AFG2A: variants seen among roughly 807,000 people sequenced by gnomAD.
AFG2A encodes ATPase family gene 2 protein homolog A.
the AFG2A span, among the ~76,000 whole-genome samples, chr4:123,306,281 C>CTTTTTTTTTTT: frequency 6.6e-6 from 1 of 152,094 alleles, no homozygotes; most frequent in Non-Finnish European, 1.5e-5. Context: ...GAGATCCTGC[C>CTTTTTTTTTTT]TTTGTTGTTT....
chr4:123,186,267 A>C, the AFG2A span, among the ~76,000 whole-genome samples: 1 of 152,228 alleles, frequency 6.6e-6, no homozygotes, highest in Non-Finnish European at 1.5e-5. Flanking sequence ...TTTACAACTG[A>C]AAATAGTGTA....
At chr4:123,022,344 A>C in the AFG2A span, among the ~76,000 whole-genome samples, 1 of 152,212 alleles carries the variant, frequency 6.6e-6, no homozygotes, top group Non-Finnish European at 1.5e-5. Flanking sequence ...TTTACAAGAA[A>C]ACAAACAACC....
At chr4:123,265,916 A>G in the AFG2A span, among the ~76,000 whole-genome samples, 5 of 151,894 alleles carry the variant, frequency 3.3e-5, no homozygotes, top group Admixed American at 2.0e-4. Context: ...TTTTTCTCCA[A>G]TATTTTATAT....
At chr4:123,040,896 CA>C in the AFG2A span, among the ~76,000 whole-genome samples, 1 of 151,916 alleles carries the variant, frequency 6.6e-6, no homozygotes, top group South Asian at 2.1e-4. Flanking sequence ...GTTTAAGTAC[CA>C]ATGTACAAAT....
At chr4:123,279,142 G>A in the AFG2A span, among the ~76,000 whole-genome samples, 368 of 152,230 alleles carry the variant, frequency 2.4e-3, 4 homozygotes, top group South Asian at 0.01. Flanking sequence ...TAGGCCAGGC[G>A]CGGTGGCTCA....
At chr4:123,099,586 C>T in the AFG2A span, among the ~76,000 whole-genome samples, 5 of 151,318 alleles carry the variant, frequency 3.3e-5, no homozygotes, top group East Asian at 1.9e-4. Context: ...TCTGAAGATA[C>T]ATTATAAGTC....
the AFG2A span, among the ~76,000 whole-genome samples, chr4:122,928,134 A>G: frequency 6.6e-6 from 1 of 152,226 alleles, no homozygotes; most frequent in African/African-American, 2.4e-5. Context: ...CTAAAATGTT[A>G]TGTAGAGAGA....
At chr4:123,203,492 G>A in the AFG2A span, among the ~76,000 whole-genome samples, 1 of 152,132 alleles carries the variant, frequency 6.6e-6, no homozygotes, top group Non-Finnish European at 1.5e-5. Flanking sequence ...TGGCCAGGCT[G>A]GTCTTGAACT....
At chr4:123,169,007 G>A in the AFG2A span, among the ~76,000 whole-genome samples, 1 of 152,162 alleles carries the variant, frequency 6.6e-6, no homozygotes, top group Non-Finnish European at 1.5e-5. Context: ...TCCTGAGTTG[G>A]TAAATGTCTA....
the AFG2A span, among the ~76,000 whole-genome samples, chr4:123,290,030 A>G: frequency 6.6e-6 from 1 of 152,018 alleles, no homozygotes; most frequent in Non-Finnish European, 1.5e-5. Flanking sequence ...CAATAGGCCT[A>G]CTTTTTAATG....
the AFG2A span, among the ~76,000 whole-genome samples, chr4:123,041,314 G>C: frequency 0.81 from 113,074 of 139,216 alleles, 47,591 homozygotes; most frequent in East Asian, 0.97. Flanking sequence ...GTAGAGACGG[G>C]GTTTCACCGT....
chr4:123,294,841 A>G, the AFG2A span, among the ~76,000 whole-genome samples: 1 of 152,240 alleles, frequency 6.6e-6, no homozygotes, highest in Non-Finnish European at 1.5e-5. Context: ...GCCAAGGATA[A>G]TACATCATAT....
At chr4:122,969,897 G>C in the AFG2A span, among the ~76,000 whole-genome samples, 2 of 152,190 alleles carry the variant, frequency 1.3e-5, no homozygotes, top group African/African-American at 2.4e-5. Flanking sequence ...GTATAGTCAC[G>C]GACTGCATAA....
the AFG2A span, among the ~76,000 whole-genome samples, chr4:123,219,253 C>G: frequency 6.6e-6 from 1 of 152,192 alleles, no homozygotes; most frequent in African/African-American, 2.4e-5. Context: ...AGAGAGGAGG[C>G]AAGCGTCTGA....
chr4:123,237,436 G>A, the AFG2A span, among the ~76,000 whole-genome samples: 1 of 151,758 alleles, frequency 6.6e-6, no homozygotes, highest in African/African-American at 2.4e-5. Context: ...ACTTTGGGAG[G>A]AGATCATAGT....
At chr4:123,107,396 T>C in the AFG2A span, among the ~76,000 whole-genome samples, 1 of 152,170 alleles carries the variant, frequency 6.6e-6, no homozygotes, top group Non-Finnish European at 1.5e-5. Context: ...GGTAGCTCCT[T>C]TCTGCAGCTA....
the AFG2A span, among the ~76,000 whole-genome samples, chr4:122,963,117 A>G: frequency 6.6e-6 from 1 of 152,152 alleles, no homozygotes; most frequent in African/African-American, 2.4e-5. Flanking sequence ...ACTGCACTAG[A>G]TGGTGGGGCT....
the AFG2A span, among the ~76,000 whole-genome samples, chr4:123,077,468 A>G: frequency 6.6e-6 from 1 of 152,174 alleles, no homozygotes; most frequent in South Asian, 2.1e-4. Flanking sequence ...CCACAGTTGC[A>G]TGGATACTGG....
the AFG2A span, among the ~76,000 whole-genome samples, chr4:122,961,021 C>G: frequency 6.6e-6 from 1 of 152,132 alleles, no homozygotes; most frequent in East Asian, 1.9e-4. Context: ...ATGGTGAGCT[C>G]TACATTCAGA....
Sources: gnomAD v4.1 joint callset for allele counts (sites outside exome capture counted in the v4.1 genomes callset) on GRCh38, gnomAD v4.1.1 for gene constraint, MANE v1.5 for transcripts, NCBI Gene and HGNC (gene_info 2026-07-23, HGNC 2026-07-21) for gene names.